FRMD4A: variants seen among roughly 807,000 people sequenced by gnomAD.
The protein encoded by FRMD4A is FERM domain containing 4A.
In FRMD4A, 29 loss-of-function variants were observed where a neutral mutation model predicts 129.1. The ratio of observed to expected loss-of-function variants is 0.22; its 90% confidence interval spans 0.17 to 0.31. The LOEUF is 0.31. FRMD4A is among the 10% of genes least tolerant of loss of function. FRMD4A has a pLI of 1.00. For synonymous variants in FRMD4A, 634 were observed against 571.6 expected, an observed-to-expected ratio of 1.11 and a Z score of -1.56; for missense variants, 1,272 against 1,375.8, an observed-to-expected ratio of 0.92 and a Z score of 1.19.
At chr10:13,902,258 C>A (rs1180440146) in intron 2 of FRMD4A, among the ~76,000 whole-genome samples, 2 of 152,090 alleles carry the variant, frequency 1.3e-5, no homozygotes, top group Admixed American at 6.5e-5. Context: ...TCAAGTGATC[C>A]TCATGCCTTG....
chr10:13,844,016 C>G (rs2094007585), intron 3 of FRMD4A, among the ~76,000 whole-genome samples: 1 of 152,148 alleles, frequency 6.6e-6, no homozygotes, highest in South Asian at 2.1e-4. Flanking sequence ...GGTGAGAATA[C>G]TGTAGTTGTA....
At chr10:13,756,879 A>C (rs930449997) in intron 8 of FRMD4A, among the ~76,000 whole-genome samples, 1 of 152,184 alleles carries the variant, frequency 6.6e-6, no homozygotes, top group Admixed American at 6.5e-5. Context: ...ATTAAATTAG[A>C]ATATAACTAG....
intron 2 of FRMD4A, among the ~76,000 whole-genome samples, chr10:13,930,271 A>C (rs2095178127): frequency 6.6e-6 from 1 of 152,170 alleles, no homozygotes; most frequent in Non-Finnish European, 1.5e-5. Context: ...TGCTTTCATC[A>C]AAGGCGTTCA....
At chr10:14,170,980 C>T (rs993798846) in intron 2 of FRMD4A, among the ~76,000 whole-genome samples, 4 of 151,652 alleles carry the variant, frequency 2.6e-5, no homozygotes, top group South Asian at 2.1e-4. Flanking sequence ...ATTTTGCAGC[C>T]ACCATGAATC....
intron 2 of FRMD4A, among the ~76,000 whole-genome samples, chr10:14,230,804 C>T (rs890677446): frequency 3.3e-5 from 5 of 152,132 alleles, no homozygotes; most frequent in African/African-American, 4.8e-5. Context: ...TTCAAGCAGG[C>T]GCTGGTGTCT....
chr10:13,765,934 G>A (rs1183795248), intron 6 of FRMD4A, among the ~76,000 whole-genome samples: 3 of 152,180 alleles, frequency 2.0e-5, no homozygotes, highest in African/African-American at 4.8e-5. Flanking sequence ...TACACCTTAT[G>A]TTACAGCCAA....
chr10:14,220,352 C>T (rs767065191), intron 2 of FRMD4A, among the ~76,000 whole-genome samples: 1 of 152,158 alleles, frequency 6.6e-6, no homozygotes, highest in Non-Finnish European at 1.5e-5. Context: ...CATGCTCATT[C>T]AAAGATAAAA....
intron 2 of FRMD4A, among the ~76,000 whole-genome samples, chr10:14,042,690 C>CA (rs1833825857): frequency 1.3e-5 from 2 of 151,990 alleles, no homozygotes; most frequent in Admixed American, 1.3e-4. Flanking sequence ...CAGGCCGGCG[C>CA]AGTGGCTCAT....
At chr10:13,684,407 G>A in intron 15 of FRMD4A, 1 of 984,704 alleles carries the variant, frequency 1.0e-6, no homozygotes. Flanking sequence ...AGACCCTGGA[G>A]ACACTGCCTG....
intron 2 of FRMD4A, among the ~76,000 whole-genome samples, chr10:14,005,815 T>A (rs1016082716): frequency 3.9e-5 from 6 of 152,228 alleles, no homozygotes; most frequent in Non-Finnish European, 5.9e-5. Context: ...TTGGTTTCCC[T>A]GTTTATACAG....
At chr10:13,881,990 G>GGTGT (rs71388128) in intron 2 of FRMD4A, among the ~76,000 whole-genome samples, 21 of 15,640 alleles carry the variant, frequency 1.3e-3, no homozygotes, top group African/African-American at 2.0e-3. Context: ...GAGAGGCAAG[G>GGTGT]GTGTGTGTGT....
intron 2 of FRMD4A, among the ~76,000 whole-genome samples, chr10:14,272,892 T>C (rs910177041): frequency 1.3e-5 from 2 of 152,182 alleles, no homozygotes; most frequent in Non-Finnish European, 2.9e-5. Context: ...ATAGACGTCT[T>C]GGTCTTTGAA....
At chr10:13,878,481 G>A (rs1029484066) in intron 2 of FRMD4A, among the ~76,000 whole-genome samples, 1 of 152,168 alleles carries the variant, frequency 6.6e-6, no homozygotes, top group Non-Finnish European at 1.5e-5. Context: ...AGCCAGGCAT[G>A]GTGGCTCACA....
intron 17 of FRMD4A, among the ~76,000 whole-genome samples, chr10:13,669,067 T>C (rs964486358): frequency 6.9e-6 from 1 of 144,860 alleles, no homozygotes; most frequent in African/African-American, 2.6e-5. Flanking sequence ...GTTTTTTTTT[T>C]TTTTTTTTTT....
chr10:13,647,318 C>T (rs1269718684), intron 24 of FRMD4A: 2 of 152,148 alleles, frequency 1.3e-5, no homozygotes, highest in African/African-American at 4.8e-5. Flanking sequence ...TGGCTGCATC[C>T]GGGGAGCACC....
chr10:13,706,749 GACAC>G lies in FRMD4A; in HGVS notation c.836+284_836+287del, dbSNP rs3031967. On this transcript the variant is annotated intron_variant, in intron 13 of 24. Transcript: ENST00000357447. ...GGCAGGTAAGACAAACACATACACTGACACACACACACACACACACACACACACA... is the reference window on the plus strand; with the variant it reads ...GGCAGGTAAGACAAACACATACACTGACACACACACACACACACACACACA... 9.9e-3 allele frequency among the ~76,000 whole-genome samples: 1,447 copies of G among 146,616 alleles called. 26 individuals carry two copies. Among genetic ancestry groups the G allele is most frequent in the African/African-American group, 0.034 (1,329 of 39,618 alleles).
chr10:13,706,503 A>G (rs1467560763), intron 13 of FRMD4A, among the ~76,000 whole-genome samples: 1 of 152,138 alleles, frequency 6.6e-6, no homozygotes, highest in Non-Finnish European at 1.5e-5. Context: ...TTTCTTTCAC[A>G]TCCACCCACA....
At chr10:13,870,474 C>T (rs1198018254) in intron 2 of FRMD4A, among the ~76,000 whole-genome samples, 3 of 152,246 alleles carry the variant, frequency 2.0e-5, no homozygotes, top group African/African-American at 7.2e-5. Context: ...CTTGGAGGCA[C>T]ATTTTTCACT....
chr10:13,750,580 G>T (rs998464853), intron 8 of FRMD4A, among the ~76,000 whole-genome samples: 1 of 152,128 alleles, frequency 6.6e-6, no homozygotes, highest in African/African-American at 2.4e-5. Context: ...ACGAAGAAAA[G>T]GATAGGAATA....
Sources: gnomAD v4.1 joint callset for allele counts (sites outside exome capture counted in the v4.1 genomes callset) on GRCh38, gnomAD v4.1.1 for gene constraint, MANE v1.5 for transcripts, NCBI Gene and HGNC (gene_info 2026-07-23, HGNC 2026-07-21) for gene names.